Variants in NLGN4X observed in about 807,000 individuals in gnomAD.
NLGN4X encodes the protein neuroligin-4, X-linked.
NLGN4X carries 3 observed loss-of-function variants against 40.3 expected under a neutral mutation model. The observed-to-expected ratio is 0.07, with a 90% CI of 0.03 to 0.19. The LOEUF (loss-of-function observed/expected upper bound fraction) is 0.19, where lower values mean the gene tolerates loss of function less well. Ranked by LOEUF, NLGN4X falls within the 10% of genes least tolerant of loss-of-function variation. The pLI, the probability that NLGN4X is intolerant of heterozygous loss-of-function variation, is 1.00. For synonymous variants in NLGN4X, 270 were observed against 306.8 expected (o/e 0.88, Z 1.25); for missense variants, 382 against 708.3 (o/e 0.54, Z 5.23).
Position 5,890,402 on chromosome X carries a change from CTAAAGT to C in NLGN4X, c.*2409_*2414del. 1 of 243,350 alleles carries C rather than the reference CTAAAGT, an allele frequency of 4.1e-6. No individual in the cohort carries two copies. The highest frequency in any genetic ancestry group is 4.6e-5 in the South Asian group (1 of 21,954). 20.1% of individuals were successfully genotyped at this position (243,350 alleles called of 1,213,427 possible). On this transcript the variant is annotated 3_prime_UTR_variant, in exon 6 of 6. Coordinates refer to ENST00000381095, the MANE Select transcript of NLGN4X (RefSeq NM_181332.3). The stretch of plus-strand genomic sequence containing the variant: ...TTTTGATCATAATCCCCTGTAAAAG[CTAAAGT>C]TATTCACTTAACAGGAACTCTGTTT...
intron 2 of NLGN4X, among the ~76,000 whole-genome samples, chrX:6,054,976 G>A (rs1021121992): frequency 8.9e-6 from 1 of 112,057 alleles, no homozygotes; most frequent in Non-Finnish European, 1.9e-5. Flanking sequence ...TTTTAATGTG[G>A]CTCTCTAGAG....
chrX:6,039,601 C>T (rs2037106051), intron 2 of NLGN4X, among the ~76,000 whole-genome samples: 1 of 112,366 alleles, frequency 8.9e-6, no homozygotes, highest in Non-Finnish European at 1.9e-5. Context: ...CACCCACTAG[C>T]AGGTAAGAAA....
rs750617399 is a variant in NLGN4X, at chrX:6,180,343, G to GT, written c.-305-28573dup. Reference sequence around the variant, plus strand: ...GTTTAGCATCGGCCCCCTTGGTACTGTATAGTGAGTGAGTTCTCATGAGAT... The same window carrying GT: ...GTTTAGCATCGGCCCCCTTGGTACTGTTATAGTGAGTGAGTTCTCATGAGAT... On this transcript the variant is annotated intron_variant, in intron 1 of 5. Coordinates refer to ENST00000381095, the MANE Select transcript of NLGN4X (RefSeq NM_181332.3). Among the ~76,000 whole-genome samples the GT allele has an allele frequency of 2.1e-4, 23 of 111,143 alleles. No individual in the cohort carries two copies. The East Asian group carries it at 6.0e-3, about 29-fold the overall frequency.
Position 5,891,690 on chromosome X carries a change from T to C in NLGN4X, c.*1127A>G. 5.2e-6 allele frequency: 1 copy of C among 191,273 alleles called. No individual in the cohort carries two copies. The allele number at this position is 191,273 out of a possible 1,213,427, so 15.8% of individuals were successfully genotyped here. On this transcript the variant is annotated 3_prime_UTR_variant, in exon 6 of 6. Coordinates refer to ENST00000381095, the MANE Select transcript of NLGN4X (RefSeq NM_181332.3). Reference sequence around the variant, plus strand: ...GAGCTACAGAACGGGACTTGTATTTTTGTTTCTCCCTACTGATTCTTTGTG... The same window carrying C: ...GAGCTACAGAACGGGACTTGTATTTCTGTTTCTCCCTACTGATTCTTTGTG...
At chrX:6,013,366 G>A (rs1228371859) in intron 3 of NLGN4X, among the ~76,000 whole-genome samples, 1 of 108,153 alleles carries the variant, frequency 9.2e-6, no homozygotes, top group Non-Finnish European at 1.9e-5. Context: ...CATGAAACTG[G>A]GCATTCACTG....
intron 1 of NLGN4X, among the ~76,000 whole-genome samples, chrX:6,219,525 T>C (rs937045359): frequency 9.7e-6 from 1 of 103,499 alleles, no homozygotes; most frequent in Non-Finnish European, 2.0e-5. Flanking sequence ...CCCTGCTTCC[T>C]TTCTTCCTTC....
rs372119950 is a variant in NLGN4X at position 5,890,227 on chromosome X, AT to A, written c.*2589del. ...ATCAAGAGTAAAAGCCTAGGACAGG[AT>A]TTTTTTTTTTCTTACTTTTTTCTCA... is the stretch of plus-strand genomic sequence containing the variant. On this transcript the variant is annotated 3_prime_UTR_variant, in exon 6 of 6. Coordinates refer to ENST00000381095, the MANE Select transcript of NLGN4X (RefSeq NM_181332.3). The A allele has an allele frequency of 0.011, 1,710 of 150,852 alleles. 2 individuals are homozygous for A. Among genetic ancestry groups the A allele is most frequent in the Middle Eastern group, 0.023 (9 of 390 alleles). 12.4% of individuals were successfully genotyped at this position (150,852 alleles called of 1,213,427 possible). A position where few individuals can be genotyped will look rare whatever the true frequency, so the allele number is the denominator to read the frequency against.
At chrX:6,045,506 T>C (rs1283622404) in intron 2 of NLGN4X, among the ~76,000 whole-genome samples, 1 of 111,584 alleles carries the variant, frequency 9.0e-6, no homozygotes, top group Non-Finnish European at 1.9e-5. Context: ...AATAAGGAAT[T>C]AGGTTGACTC....
chrX:6,025,891 C>G (rs1224545560), intron 3 of NLGN4X, among the ~76,000 whole-genome samples: 9 of 89,600 alleles, frequency 1.0e-4, no homozygotes, highest in African/African-American at 3.7e-4. Flanking sequence ...GCAATAAAAG[C>G]GAGACTCCAT....
At chrX:6,095,931 A>G (rs758662411) in intron 2 of NLGN4X, among the ~76,000 whole-genome samples, 10 of 112,321 alleles carry the variant, frequency 8.9e-5, no homozygotes, top group African/African-American at 3.2e-4. Context: ...TATAGCCGCT[A>G]CATCTGAATA....
At chrX:6,220,734 C>CTTTTTTT (rs774553248) in intron 1 of NLGN4X, among the ~76,000 whole-genome samples, 1,212 of 66,439 alleles carry the variant, frequency 0.018, 21 homozygotes, top group Middle Eastern at 0.027. Context: ...TTATAACTTT[C>CTTTTTTT]TTTTTTTTTT....
chrX:5,965,248 G>A (rs987361728), intron 3 of NLGN4X, among the ~76,000 whole-genome samples: 2 of 111,841 alleles, frequency 1.8e-5, no homozygotes, highest in Middle Eastern at 4.2e-3. Context: ...AGCATCAAAC[G>A]TTTCATCTGC....
At chrX:6,079,687 T>C (rs1273714130) in intron 2 of NLGN4X, among the ~76,000 whole-genome samples, 1 of 112,339 alleles carries the variant, frequency 8.9e-6, no homozygotes, top group Non-Finnish European at 1.9e-5. Flanking sequence ...CCAAAGCACA[T>C]AATTGTATCT....
At chrX:6,136,730 T>C (rs1435658747) in intron 2 of NLGN4X, among the ~76,000 whole-genome samples, 1 of 112,313 alleles carries the variant, frequency 8.9e-6, no homozygotes, top group African/African-American at 3.2e-5. Context: ...ACAAATCCAA[T>C]GTCCTGCCTA....
At chrX:6,066,721 G>A (rs760169818) in intron 2 of NLGN4X, among the ~76,000 whole-genome samples, 3 of 111,944 alleles carry the variant, frequency 2.7e-5, no homozygotes, top group South Asian at 3.7e-4. Flanking sequence ...GCAGGCAGAG[G>A]TTGCAGTGAG....
At chrX:6,120,892 C>G (rs890509595) in intron 2 of NLGN4X, among the ~76,000 whole-genome samples, 3 of 111,642 alleles carry the variant, frequency 2.7e-5, no homozygotes, top group Middle Eastern at 4.6e-3. Flanking sequence ...TTTAACACAG[C>G]CTCAAGAAAC....
intron 3 of NLGN4X, among the ~76,000 whole-genome samples, chrX:5,916,795 G>A (rs981276597): frequency 8.9e-6 from 1 of 112,295 alleles, no homozygotes; most frequent in Non-Finnish European, 1.9e-5. Flanking sequence ...TCAAACAGTG[G>A]AGGGTGATTA....
chrX:6,214,087 G>A (rs1375700600), intron 1 of NLGN4X, among the ~76,000 whole-genome samples: 1 of 111,683 alleles, frequency 9.0e-6, no homozygotes, highest in Non-Finnish European at 1.9e-5. Flanking sequence ...AAAGCATCTC[G>A]ATAAAAGCTG....
At chrX:6,162,933 A>G (rs1265508476) in intron 1 of NLGN4X, among the ~76,000 whole-genome samples, 2 of 112,051 alleles carry the variant, frequency 1.8e-5, no homozygotes, top group Non-Finnish European at 3.8e-5. Context: ...TGTAGCTCCC[A>G]TAATTCCCAC....
Sources: allele counts gnomAD v4.1 joint callset (sites outside exome capture counted in the v4.1 genomes callset), GRCh38; gene constraint gnomAD v4.1.1; transcripts MANE v1.5; gene names NCBI Gene and HGNC (gene_info 2026-07-23, HGNC 2026-07-21).